The following ANKIB1 variants were observed in gnomAD, a reference collection of about 807,000 sequenced individuals.
ANKIB1 encodes ankyrin repeat and IBR domain containing 1.
In ANKIB1, 43 loss-of-function variants were observed where a neutral mutation model predicts 122.1. The observed-to-expected ratio is 0.35, with a 90% CI of 0.28 to 0.45. ANKIB1 has a LOEUF of 0.45. ANKIB1 is among the 20% of genes least tolerant of loss of function. The pLI is 1.00. For missense variants in ANKIB1, 992 were observed against 1,329.5 expected (o/e 0.75, Z 3.95); for synonymous variants, 390 against 442.0 (o/e 0.88, Z 1.48).
At chr7:92,360,375 A>G (rs1039254495) in intron 9 of ANKIB1, among the ~76,000 whole-genome samples, 1 of 152,156 alleles carries the variant, frequency 6.6e-6, no homozygotes, top group South Asian at 2.1e-4. Flanking sequence ...TTTAAGGCTC[A>G]TTCATAGTGT....
intron 2 of ANKIB1, among the ~76,000 whole-genome samples, chr7:92,295,514 G>C (rs973829735): frequency 1.4e-4 from 21 of 152,046 alleles, no homozygotes; most frequent in African/African-American, 4.8e-4. Context: ...TGATAATAAT[G>C]TATTTAATTT....
intron 11 of ANKIB1, among the ~76,000 whole-genome samples, chr7:92,377,123 C>T (rs1456105108): frequency 6.6e-6 from 1 of 152,206 alleles, no homozygotes; most frequent in Non-Finnish European, 1.5e-5. Flanking sequence ...GCCTTCCTTA[C>T]TAAGCTTAAT....
chr7:92,294,978 C>A lies in ANKIB1; in HGVS notation c.-1C>A. The stretch of plus-strand genomic sequence containing the variant: ...GCCTATCAGAAAAAACAAAACAAAA[C>A]ATGGGAAATACAACCACCAAATTCC... On this transcript the variant is annotated 5_prime_UTR_variant, in exon 2 of 20. Coordinates refer to ENST00000265742, the MANE Select transcript of ANKIB1 (RefSeq NM_019004.2). 1 of 1,584,674 alleles carries A rather than the reference C, an allele frequency of 6.3e-7. No individual in the cohort carries two copies. The highest frequency in any genetic ancestry group is 1.8e-5 in the Admixed American group (1 of 56,626).
At chr7:92,334,117 C>A (rs1027416485) in intron 5 of ANKIB1, among the ~76,000 whole-genome samples, 2 of 152,080 alleles carry the variant, frequency 1.3e-5, no homozygotes, top group African/African-American at 4.8e-5. Flanking sequence ...TTCTTGCATT[C>A]ATTTGTGATT....
At chr7:92,366,959 G>A (rs969500138) in intron 10 of ANKIB1, among the ~76,000 whole-genome samples, 1 of 152,124 alleles carries the variant, frequency 6.6e-6, no homozygotes, top group African/African-American at 2.4e-5. Flanking sequence ...TGCTAGGGAA[G>A]GGGAAGAAGA....
At chr7:92,267,663 C>T (rs1362524749) in intron 1 of ANKIB1, among the ~76,000 whole-genome samples, 1 of 152,106 alleles carries the variant, frequency 6.6e-6, no homozygotes, top group Non-Finnish European at 1.5e-5. Flanking sequence ...TGCAGTTCAT[C>T]GGGAATTTGA....
intron 8 of ANKIB1, among the ~76,000 whole-genome samples, chr7:92,351,438 CA>C (rs945140459): frequency 2.0e-5 from 3 of 152,012 alleles, no homozygotes; most frequent in African/African-American, 7.2e-5. Flanking sequence ...TTAAGTTTTC[CA>C]AAAGACATTA....
At chr7:92,361,508 C>T (rs1189159353) in intron 9 of ANKIB1, among the ~76,000 whole-genome samples, 1 of 152,090 alleles carries the variant, frequency 6.6e-6, no homozygotes, top group Non-Finnish European at 1.5e-5. Flanking sequence ...AAAAGCTGCT[C>T]AGTAATGGCC....
At chr7:92,365,225 G>C (rs1804044653) in intron 10 of ANKIB1, among the ~76,000 whole-genome samples, 2 of 152,156 alleles carry the variant, frequency 1.3e-5, no homozygotes, top group Non-Finnish European at 2.9e-5. Flanking sequence ...AGAGAACATT[G>C]TTCATGTATG....
At chr7:92,396,980 T>A (rs924728323) in intron 18 of ANKIB1, among the ~76,000 whole-genome samples, 1 of 152,222 alleles carries the variant, frequency 6.6e-6, no homozygotes, top group Non-Finnish European at 1.5e-5. Flanking sequence ...ATTCAACTTT[T>A]AAATGTTAAA....
intron 16 of ANKIB1, 95 bp from the exon 17 acceptor site, chr7:92,392,146 A>G: frequency 1.1e-6 from 1 of 948,326 alleles, no homozygotes; most frequent in East Asian, 2.7e-5. Context: ...GTTCCAACAG[A>G]GGAATTCAAA....
In ANKIB1 at chr7:92,321,167, A is replaced by G. The variant is rs372581022; in HGVS notation, c.669+1655A>G. Among the ~76,000 whole-genome samples, 9 of 152,156 alleles carry G rather than the reference A, an allele frequency of 5.9e-5. No homozygotes were observed. In the South Asian group the frequency reaches 1.9e-3, roughly 32 times the overall value. ...ATAATAATTGTATACATTTGGGAGT[A>G]TAGTGTTGTGTTTTGATATGTATAT... On this transcript the variant is annotated intron_variant, in intron 4 of 19. Coordinates refer to ENST00000265742, the MANE Select transcript of ANKIB1 (RefSeq NM_019004.2).
In ANKIB1 at chr7:92,343,124, T is replaced by A; in HGVS notation, c.888T>A (p.Tyr296Ter). 1 of 1,613,978 alleles carries A rather than the reference T, an allele frequency of 6.2e-7. No homozygotes were observed. Residue 296 changes from tyrosine (Y) to a stop codon, truncating the protein, a stop_gained, in exon 6 of 20, where the codon TAT becomes TAA. Coordinates refer to ENST00000265742, the MANE Select transcript of ANKIB1 (RefSeq NM_019004.2). LOFTEE classifies it high-confidence loss of function. Reference protein sequence around the residue: ...VQMPTPPPSGYNAWDTLPSPR... With the variant: ...VQMPTPPPSG Reference sequence around the variant, plus strand: ...TGCCAACTCCACCACCAAGTGGGTATAATGCCTGGGACACGCTCCCATCTC... The same window carrying A: ...TGCCAACTCCACCACCAAGTGGGTAAAATGCCTGGGACACGCTCCCATCTC...
intron 1 of ANKIB1, among the ~76,000 whole-genome samples, chr7:92,255,102 T>C (rs1378080664): frequency 6.6e-6 from 1 of 152,252 alleles, no homozygotes; most frequent in Non-Finnish European, 1.5e-5. Flanking sequence ...CCCAGCCATG[T>C]GGAACCATAG....
intron 1 of ANKIB1, among the ~76,000 whole-genome samples, chr7:92,285,318 G>T (rs961002595): frequency 1.3e-5 from 2 of 152,144 alleles, no homozygotes; most frequent in African/African-American, 4.8e-5. Flanking sequence ...TCCAGCCTAG[G>T]CTGGGAAGAT....
chr7:92,283,802 G>A (rs1264278301), intron 1 of ANKIB1, among the ~76,000 whole-genome samples: 2 of 152,028 alleles, frequency 1.3e-5, no homozygotes, highest in Admixed American at 6.6e-5. Context: ...ACTGGGTCTC[G>A]CTCTGTTTCC....
chr7:92,311,727 C>G (rs528840456), intron 3 of ANKIB1, among the ~76,000 whole-genome samples: 1 of 122,822 alleles, frequency 8.1e-6, no homozygotes. Context: ...GCCCCCCCCA[C>G]ACACACACAC....
chr7:92,267,818 A>G (rs1278029166), intron 1 of ANKIB1, among the ~76,000 whole-genome samples: 2 of 152,204 alleles, frequency 1.3e-5, no homozygotes, highest in African/African-American at 2.4e-5. Flanking sequence ...GCATATTGAT[A>G]GGTGATCTAG....
chr7:92,275,704 G>A (rs1801888351), intron 1 of ANKIB1, among the ~76,000 whole-genome samples: 1 of 152,052 alleles, frequency 6.6e-6, no homozygotes, highest in South Asian at 2.1e-4. Flanking sequence ...AAACTAAATG[G>A]CGAGACCTCC....
Sources: gnomAD v4.1 joint callset for allele counts (sites outside exome capture counted in the v4.1 genomes callset) on GRCh38, gnomAD v4.1.1 for gene constraint, MANE v1.5 for transcripts, NCBI Gene and HGNC (gene_info 2026-07-23, HGNC 2026-07-21) for gene names.